SEMA6D: variants seen among roughly 807,000 people sequenced by gnomAD.
SEMA6D encodes semaphorin 6D.
A neutral mutation model predicts 106.6 loss-of-function variants in SEMA6D; 35 were observed. The ratio of observed to expected loss-of-function variants is 0.33; its 90% CI spans 0.25 to 0.44. The LOEUF (loss-of-function observed/expected upper bound fraction) is 0.44, where lower values mean the gene tolerates loss of function less well. SEMA6D is among the 20% of genes least tolerant of loss of function. SEMA6D has a pLI of 1.00. For synonymous variants in SEMA6D, 499 were observed against 487.7 expected (o/e 1.02, Z -0.31); for missense variants, 1,185 against 1,345.9 (o/e 0.88, Z 1.87).
chr15:47,387,245 G>C (rs2039871392), intron 1 of SEMA6D, among the ~76,000 whole-genome samples: 1 of 152,148 alleles, frequency 6.6e-6, no homozygotes, highest in African/African-American at 2.4e-5. Context: ...ACTCAGTCAA[G>C]GAAATTTAAG....
chr15:47,248,416 C>G (rs2141881908), intron 1 of SEMA6D, among the ~76,000 whole-genome samples: 1 of 152,296 alleles, frequency 6.6e-6, no homozygotes, highest in East Asian at 1.9e-4. Flanking sequence ...CATTCATGGT[C>G]ATTCCCCGTC....
intron 3 of SEMA6D, among the ~76,000 whole-genome samples, chr15:47,529,481 G>A (rs184236344): frequency 5.7e-4 from 86 of 151,906 alleles, no homozygotes; most frequent in African/African-American, 2.0e-3. Flanking sequence ...GGGATGATAA[G>A]AAAAGGGAGG....
chr15:47,346,085 G>A (rs2038034621), intron 1 of SEMA6D, among the ~76,000 whole-genome samples: 2 of 152,138 alleles, frequency 1.3e-5, no homozygotes, highest in South Asian at 4.1e-4. Flanking sequence ...GAACCCTGTT[G>A]CTACCTATGT....
At chr15:47,670,749 G>T (rs769482415) in intron 4 of SEMA6D, among the ~76,000 whole-genome samples, 1 of 152,092 alleles carries the variant, frequency 6.6e-6, no homozygotes, top group Non-Finnish European at 1.5e-5. Flanking sequence ...TTTTTAAAGG[G>T]CTGCTATTAA....
At chr15:47,686,067 G>C (rs1327084060) in intron 4 of SEMA6D, among the ~76,000 whole-genome samples, 1 of 152,094 alleles carries the variant, frequency 6.6e-6, no homozygotes, top group Non-Finnish European at 1.5e-5. Context: ...AAAATGAGTA[G>C]TACTCTCAGC....
chr15:47,704,238 A>T (rs2078870396), intron 4 of SEMA6D, among the ~76,000 whole-genome samples: 1 of 152,084 alleles, frequency 6.6e-6, no homozygotes, highest in South Asian at 2.1e-4. Context: ...CTCCCTCCTC[A>T]GCCTCCCAAA....
rs73401102 is a variant in SEMA6D, at chr15:47,350,593, G to A, written c.-238-61800G>A. Among the ~76,000 whole-genome samples the A allele has an allele frequency of 6.2e-3, 938 of 152,230 alleles. 2 individuals carry two copies. The highest frequency in any genetic ancestry group is 0.022 in the African/African-American group (896 of 41,532). The stretch of plus-strand genomic sequence containing the variant: ...ACACGATTTTGATGTTTGTTTTCGT[G>A]CGGAGGAGACAAAAATCCAGATGTT... On this transcript the variant is annotated intron_variant, in intron 1 of 19. Coordinates refer to the SEMA6D transcript ENST00000558014.
At chr15:47,252,904 A>T (rs935186031) in intron 1 of SEMA6D, among the ~76,000 whole-genome samples, 2 of 152,180 alleles carry the variant, frequency 1.3e-5, no homozygotes, top group Non-Finnish European at 2.9e-5. Context: ...CTTTGGATAT[A>T]TATGCAGTAG....
At chr15:47,283,112 C>T (rs1223977823) in intron 1 of SEMA6D, among the ~76,000 whole-genome samples, 1 of 152,090 alleles carries the variant, frequency 6.6e-6, no homozygotes, top group East Asian at 1.9e-4. Context: ...ACAGTGGTTT[C>T]CTTTCTGTCA....
chr15:47,389,617 A>G (rs991309387), intron 1 of SEMA6D, among the ~76,000 whole-genome samples: 1 of 152,214 alleles, frequency 6.6e-6, no homozygotes, highest in Non-Finnish European at 1.5e-5. Context: ...AACATAAAGT[A>G]ATGATTAAGT....
intron 1 of SEMA6D, among the ~76,000 whole-genome samples, chr15:47,371,362 T>C (rs2145405753): frequency 6.6e-6 from 1 of 152,348 alleles, no homozygotes; most frequent in African/African-American, 2.4e-5. Context: ...TGAACTATTA[T>C]GTGATAGATT....
chr15:47,595,326 G>A (rs1596390665), intron 3 of SEMA6D, among the ~76,000 whole-genome samples: 2 of 152,252 alleles, frequency 1.3e-5, no homozygotes, highest in African/African-American at 4.8e-5. Flanking sequence ...CATCTAATGA[G>A]ATTAGCATAT....
intron 4 of SEMA6D, among the ~76,000 whole-genome samples, chr15:47,711,920 G>C (rs1237343848): frequency 6.6e-6 from 1 of 152,172 alleles, no homozygotes; most frequent in African/African-American, 2.4e-5. Context: ...GGGTTTTTGG[G>C]TGTAAAACAA....
At chr15:47,363,552 A>C (rs2038893707) in intron 1 of SEMA6D, among the ~76,000 whole-genome samples, 1 of 152,190 alleles carries the variant, frequency 6.6e-6, no homozygotes, top group South Asian at 2.1e-4. Flanking sequence ...AGAAAAACAA[A>C]ACAAAACATG....
chr15:47,375,634 C>CAA (rs2039422655), intron 1 of SEMA6D, among the ~76,000 whole-genome samples: 1 of 152,026 alleles, frequency 6.6e-6, no homozygotes, highest in South Asian at 2.1e-4. Flanking sequence ...AGGATTTTAG[C>CAA]AAAAAATTCA....
chr15:47,703,512 GA>G (rs931283724), intron 4 of SEMA6D, among the ~76,000 whole-genome samples: 8 of 150,262 alleles, frequency 5.3e-5, no homozygotes, highest in East Asian at 2.0e-4. Context: ...TATTCCTGTG[GA>G]AAAAAAAATG....
chr15:47,289,638 A>G (rs1487953286), intron 1 of SEMA6D, among the ~76,000 whole-genome samples: 1 of 152,044 alleles, frequency 6.6e-6, no homozygotes, highest in Non-Finnish European at 1.5e-5. Flanking sequence ...GGATTAAACA[A>G]TGGAGTGTGT....
At chr15:47,679,254 C>T (rs12902636) in intron 4 of SEMA6D, among the ~76,000 whole-genome samples, 58,039 of 152,102 alleles carry the variant, frequency 0.38, 13,343 homozygotes, top group South Asian at 0.52. Flanking sequence ...TGAGCTCTGC[C>T]GCTTAGAGCT....
intron 1 of SEMA6D, among the ~76,000 whole-genome samples, chr15:47,340,944 A>T (rs1034741660): frequency 2.6e-5 from 4 of 152,208 alleles, no homozygotes; most frequent in Admixed American, 2.6e-4. Flanking sequence ...AAAACTATCT[A>T]GAATAAGTAG....
Sources: gnomAD v4.1 joint callset for allele counts (sites outside exome capture counted in the v4.1 genomes callset) on GRCh38, gnomAD v4.1.1 for gene constraint, MANE v1.5 for transcripts, NCBI Gene and HGNC (gene_info 2026-07-23, HGNC 2026-07-21) for gene names.